Variants in COQ8B observed in about 807,000 individuals in gnomAD.
COQ8B encodes atypical kinase COQ8B, mitochondrial.
Under a neutral mutation model 62.0 loss-of-function variants are expected in COQ8B, and 44 were observed. The observed-to-expected ratio is 0.71, with a 90% confidence interval of 0.56 to 0.91. The LOEUF (loss-of-function observed/expected upper bound fraction) is 0.91. COQ8B is among the 40% of genes least tolerant of loss of function. COQ8B has a pLI of 0.00. For missense variants in COQ8B, 649 were observed against 731.6 expected (o/e 0.89, Z 1.30); for synonymous variants, 252 against 289.9 (o/e 0.87, Z 1.33).
intron 13 of COQ8B, among the ~76,000 whole-genome samples, chr19:40,695,151 C>G (rs944351214): frequency 2.6e-5 from 4 of 151,974 alleles, no homozygotes; most frequent in Admixed American, 2.6e-4. Flanking sequence ...AACCCCATCT[C>G]TACTAAAAAT....
At chr19:40,705,069 C>T (rs2082089569) in intron 7 of COQ8B, 27 bp downstream of exon 7, 6 of 1,575,696 alleles carry the variant, frequency 3.8e-6, no homozygotes, top group Non-Finnish European at 4.3e-6. Context: ...CTGCCTCCCT[C>T]ACCGCCCTCC....
intron 12 of COQ8B, among the ~76,000 whole-genome samples, chr19:40,698,225 A>C (rs1426538394): frequency 6.6e-6 from 1 of 150,582 alleles, no homozygotes; most frequent in African/African-American, 2.5e-5. Context: ...TCGGGGAAAA[A>C]AAAGAAAAGT....
rs1452452401 is a variant in COQ8B at position 40,691,575 on chromosome 19, C to G, written c.*460G>C. The G allele has an allele frequency of 1.3e-5, 2 of 154,590 alleles. No individual in the cohort carries two copies. Among genetic ancestry groups the G allele is most frequent in the African/African-American group, 2.4e-5 (1 of 41,638 alleles). The allele number at this position is 154,590 out of a possible 1,614,324, so 9.6% of individuals were successfully genotyped here. A position where few individuals can be genotyped will look rare whatever the true frequency, so the allele number is the denominator to read the frequency against. ...TTCCGATTGAAGATTCAGCTCCCCC[C>G]CACCCCGCACCCCTACCTCTCCAAC... On this transcript the variant is annotated 3_prime_UTR_variant, in exon 15 of 15. Transcript: ENST00000324464.
In COQ8B at chr19:40,705,108, G is replaced by A. The variant is rs1344081336; in HGVS notation, c.564C>T (p.Arg188=). The change falls in exon 7 of 15, where the codon CGC becomes CGT. Residue 188 remains arginine (R), a synonymous_variant. Transcript: ENST00000324464. ...RVRQSADFMP[R]WQMLRVLEEE... is the part of the protein sequence containing the mutation. ...ACTGGGCACTCACCAGCATCTGCCA[G>A]CGGGGCATGAAGTCGGCGCTCTGGC... 1 of 1,609,806 alleles carries A rather than the reference G, an allele frequency of 6.2e-7. No homozygotes were observed. Among genetic ancestry groups the A allele is most frequent in the East Asian group, 2.2e-5 (1 of 44,726 alleles).
At chr19:40,702,515 C>A in intron 10 of COQ8B, 85 bp downstream of exon 10, 1 of 1,296,628 alleles carries the variant, frequency 7.7e-7, no homozygotes, top group Non-Finnish European at 1.1e-6. Flanking sequence ...CCCCACAGCT[C>A]CAGCTGCCAG....
intron 1 of COQ8B, among the ~76,000 whole-genome samples, chr19:40,716,133 A>AG (rs1294046052): frequency 6.6e-6 from 1 of 152,086 alleles, no homozygotes; most frequent in Non-Finnish European, 1.5e-5. Context: ...ATGAGGTACT[A>AG]GGTGGGCTCC....
chr19:40,702,170 T>C (rs895114236), intron 10 of COQ8B, among the ~76,000 whole-genome samples: 2 of 152,142 alleles, frequency 1.3e-5, no homozygotes, highest in African/African-American at 2.4e-5. Context: ...TAAGGGCTTA[T>C]GTGATGATGC....
At chr19:40,699,969 T>G in intron 12 of COQ8B, 98 bp downstream of exon 12, 1 of 1,140,924 alleles carries the variant, frequency 8.8e-7, no homozygotes, top group Non-Finnish European at 1.3e-6. Flanking sequence ...CTGCCTATTG[T>G]GGGGGTAATC....
Position 40,694,013 on chromosome 19 carries a change from T to C in COQ8B, c.1210-976A>G, listed in dbSNP as rs1819557988. Among the ~76,000 whole-genome samples the C allele has an allele frequency of 1.3e-5, 2 of 152,150 alleles. 1 individual carries two copies. The highest frequency in any genetic ancestry group is 4.1e-4 in the South Asian group (2 of 4,834). The stretch of plus-strand genomic sequence containing the variant: ...TGGTCCTCAGAAGCCAGGGCTTTTA[T>C]AAAGTGGCAAAGGCTGCAGGCCTGG... On this transcript the variant is annotated intron_variant, in intron 13 of 14. Transcript: ENST00000324464.
At chr19:40,700,250 T>C in intron 11 of COQ8B, 60 bp downstream of exon 11, 2 of 1,611,490 alleles carry the variant, frequency 1.2e-6, no homozygotes, top group East Asian at 2.2e-5. Context: ...AGAGAGACCA[T>C]GAGCCTGGCC....
intron 5 of COQ8B, chr19:40,707,984 C>T (rs966732932): frequency 6.6e-6 from 1 of 152,222 alleles, no homozygotes; most frequent in African/African-American, 2.4e-5. Context: ...AAGCCATACA[C>T]TTACAGGTAT....
In COQ8B at chr19:40,703,609, G is replaced by A. The variant is rs2082078406; in HGVS notation, c.731C>T (p.Ala244Val). 6.2e-7 allele frequency: 1 copy of A among 1,612,694 alleles called. No homozygotes were observed. Among genetic ancestry groups the A allele is most frequent in the South Asian group, 1.1e-5 (1 of 90,930 alleles). ...CTGGACATCGCTCTGAATGCTCTGG[G>A]CTATGCCGGGGTACTGTAAAGGGAG... ...VAVKIQYPGIAQSIQSDVQNL... is the reference protein window; with the variant it reads ...VAVKIQYPGIVQSIQSDVQNL... Residue 244 changes from alanine to valine, a missense_variant, in exon 9 of 15, where the codon GCC (alanine) becomes GTC (valine). By Grantham distance (64) the Ala-to-Val change is moderately conservative. Coordinates refer to ENST00000324464, the MANE Select transcript of COQ8B (RefSeq NM_024876.4).
chr19:40,692,238 G>A lies in COQ8B; in HGVS notation c.1432C>T (p.Leu478=). ...DLIPVLLRHR[L]CPPPEETYAL... is the part of the protein sequence containing the mutation. ...TAGGTCTCCTCGGGTGGGGGACACA[G>A]CCGGTGCCGCAGCAGCACCGGGATG... Residue 478 remains leucine, a synonymous_variant, in exon 15 of 15, where the codon CTG becomes TTG. Coordinates refer to ENST00000324464, the MANE Select transcript of COQ8B (RefSeq NM_024876.4). 6.2e-7 allele frequency: 1 copy of A among 1,610,694 alleles called. No individual in the cohort carries two copies. Among genetic ancestry groups the A allele is most frequent in the East Asian group, 2.2e-5 (1 of 44,692 alleles).
At position 40,693,757 on chromosome 19, in the gene COQ8B, C is replaced by T. The variant is rs148870716; in HGVS notation, c.1210-720G>A. 5.9e-5 allele frequency among the ~76,000 whole-genome samples: 9 copies of T among 152,276 alleles called. No individual in the cohort carries two copies. In the East Asian group the frequency reaches 1.5e-3, roughly 26 times the overall value. Reference sequence around the variant, plus strand: ...AAGGTGATGCCTGTGGCCTGCCTGGCGCTGTGTCTCATGCAGGAAGCACCG... The same window carrying T: ...AAGGTGATGCCTGTGGCCTGCCTGGTGCTGTGTCTCATGCAGGAAGCACCG... On this transcript the variant is annotated intron_variant, in intron 13 of 14. Transcript: ENST00000324464.
chr19:40,700,025 A>G (rs775609626), intron 12 of COQ8B, 42 bp downstream of exon 12: 2 of 1,559,808 alleles, frequency 1.3e-6, no homozygotes, highest in Admixed American at 3.3e-5. Context: ...AATATTTGTT[A>G]CAACAGCAAA....
In COQ8B at chr19:40,703,599, A is replaced by G. The variant is rs1291193897; in HGVS notation, c.741T>C (p.Ile247=). 9.3e-6 allele frequency: 15 copies of G among 1,611,694 alleles called. No homozygotes were observed. Among genetic ancestry groups the G allele is most frequent in the Non-Finnish European group, 1.3e-5 (15 of 1,178,482 alleles). ...KIQYPGIAQS[I]QSDVQNLLAV... is the part of the protein sequence containing the mutation. ...CCAGCAGGTTCTGGACATCGCTCTG[A>G]ATGCTCTGGGCTATGCCGGGGTACT... Residue 247 remains isoleucine, a synonymous_variant, in exon 9 of 15, where the codon ATT becomes ATC. Coordinates refer to ENST00000324464, the MANE Select transcript of COQ8B (RefSeq NM_024876.4).
intron 11 of COQ8B, 26 bp downstream of exon 11, chr19:40,700,280 CCCTT>C (rs2082051054): frequency 6.2e-7 from 1 of 1,611,438 alleles, no homozygotes; most frequent in Non-Finnish European, 8.5e-7. Flanking sequence ...TGGGGCCATG[CCCTT>C]CCCACTGTGC....
At position 40,714,601 on chromosome 19, in the gene COQ8B, C is replaced by T. The variant is rs1390497792; in HGVS notation, c.32G>A (p.Gly11Glu). 1 of 1,611,492 alleles carries T rather than the reference C, an allele frequency of 6.2e-7. No individual in the cohort carries two copies. The highest frequency in any genetic ancestry group is 2.2e-5 in the East Asian group (1 of 44,844). MWLKVGGLLRGTGGQLGQTVG... is the reference protein window; with the variant it reads MWLKVGGLLRETGGQLGQTVG... ...AGTCTGGCCCAGCTGTCCACCGGTC[C>T]CCCGAAGTAGGCCCCCCACCTTCAG... The change falls in exon 2 of 15, where the codon GGG (glycine) becomes GAG (glutamate). Residue 11 changes from glycine to glutamate, a missense_variant. Transcript: ENST00000324464.
chr19:40,701,378 T>C (rs1286327973), intron 10 of COQ8B: 1 of 152,200 alleles, frequency 6.6e-6, no homozygotes, highest in East Asian at 1.9e-4. Context: ...GCAGAGAATA[T>C]GAGCAAGGTC....
Sources: gnomAD v4.1 joint callset for allele counts (sites outside exome capture counted in the v4.1 genomes callset) on GRCh38, gnomAD v4.1.1 for gene constraint, MANE v1.5 for transcripts, NCBI Gene and HGNC (gene_info 2026-07-23, HGNC 2026-07-21) for gene names.